The following LRRTM3 variants were observed in gnomAD, a reference collection of about 807,000 sequenced individuals.
LRRTM3 encodes the protein leucine rich repeat transmembrane neuronal 3.
Under a neutral mutation model 44.7 loss-of-function variants are expected in LRRTM3, and 24 were observed. The ratio of observed to expected loss-of-function variants is 0.54; its 90% CI spans 0.39 to 0.76. The LOEUF (loss-of-function observed/expected upper bound fraction) is 0.76. LRRTM3 is among the 30% of genes least tolerant of loss of function. LRRTM3 has a pLI of 0.00. For synonymous variants in LRRTM3, 277 were observed against 278.7 expected, an observed-to-expected ratio of 0.99 and a Z score of 0.06; for missense variants, 587 against 702.2, an observed-to-expected ratio of 0.84 and a Z score of 1.85.
At chr10:67,075,901 C>T in intron 2 of LRRTM3, among the ~76,000 whole-genome samples, 1 of 152,196 alleles carries the variant, frequency 6.6e-6, no homozygotes, top group East Asian at 1.9e-4. Context: ...AGGTGTGGAG[C>T]ATGGAAAGAA....
intron 2 of LRRTM3, among the ~76,000 whole-genome samples, chr10:67,015,967 A>C (rs72804683): frequency 0.05 from 7,480 of 150,328 alleles, 266 homozygotes; most frequent in Middle Eastern, 0.082. Flanking sequence ...CATTTTTTTC[A>C]TTTCCATTTT....
intron 2 of LRRTM3, among the ~76,000 whole-genome samples, chr10:66,964,084 T>A (rs147421953): frequency 0.023 from 3,513 of 152,018 alleles, 129 homozygotes; most frequent in African/African-American, 0.08. Context: ...TCTTCTGACC[T>A]CGTGATCTGC....
At chr10:67,008,165 T>C (rs1852117320) in intron 2 of LRRTM3, among the ~76,000 whole-genome samples, 1 of 152,146 alleles carries the variant, frequency 6.6e-6, no homozygotes, top group Admixed American at 6.6e-5. Flanking sequence ...AAAATATTGA[T>C]GAGTTCAGGA....
chr10:67,022,402 A>G (rs1853079296), intron 2 of LRRTM3, among the ~76,000 whole-genome samples: 1 of 152,136 alleles, frequency 6.6e-6, no homozygotes, highest in African/African-American at 2.4e-5. Context: ...ATAGAGAAGT[A>G]GAAAAGGAAA....
intron 2 of LRRTM3, among the ~76,000 whole-genome samples, chr10:66,995,057 T>A (rs1267749413): frequency 6.6e-6 from 1 of 152,138 alleles, no homozygotes; most frequent in Non-Finnish European, 1.5e-5. Flanking sequence ...TAAATCTAGA[T>A]CTCTAGCCCA....
Position 66,928,416 on chromosome 10 carries a change from C to G in LRRTM3, c.1500C>G (p.Pro500=), listed in dbSNP as rs1847194750. Residue 500 remains proline, a synonymous_variant, in exon 2 of 3, where the codon CCC becomes CCG. Transcript: ENST00000361320. ...TSEMLLNGTG[P]CTYNKSGSRE... ...AGATGCTGCTGAATGGGACGGGACCCTGCACCTATAACAAATCGGGCTCCA... is the reference window on the plus strand; with the variant it reads ...AGATGCTGCTGAATGGGACGGGACCGTGCACCTATAACAAATCGGGCTCCA... 6.2e-7 allele frequency: 1 copy of G among 1,613,046 alleles called. No homozygotes were observed. Among genetic ancestry groups the G allele is most frequent in the East Asian group, 2.2e-5 (1 of 44,878 alleles).
chr10:66,966,721 C>T (rs1393315741), intron 2 of LRRTM3, among the ~76,000 whole-genome samples: 1 of 151,940 alleles, frequency 6.6e-6, no homozygotes, highest in African/African-American at 2.4e-5. Flanking sequence ...TTGGGGTGAT[C>T]ACTGATAGGC....
At chr10:67,008,292 T>C (rs991154976) in intron 2 of LRRTM3, among the ~76,000 whole-genome samples, 14 of 152,170 alleles carry the variant, frequency 9.2e-5, no homozygotes, top group Non-Finnish European at 1.6e-4. Flanking sequence ...CATTGTTCAT[T>C]CATAGTTTCT....
intron 2 of LRRTM3, among the ~76,000 whole-genome samples, chr10:67,036,261 T>A (rs1008756874): frequency 1.3e-5 from 2 of 151,678 alleles, no homozygotes; most frequent in Admixed American, 1.3e-4. Flanking sequence ...CAAGAGATCC[T>A]CCACCACACC....
At chr10:67,004,313 A>G (rs1205599655) in intron 2 of LRRTM3, among the ~76,000 whole-genome samples, 1 of 152,226 alleles carries the variant, frequency 6.6e-6, no homozygotes, top group Admixed American at 6.5e-5. Flanking sequence ...AACATGGACA[A>G]AAGCCACAAG....
At chr10:67,047,646 A>G (rs1402682899) in intron 2 of LRRTM3, among the ~76,000 whole-genome samples, 1 of 152,096 alleles carries the variant, frequency 6.6e-6, no homozygotes, top group East Asian at 1.9e-4. Flanking sequence ...TTGCTACTAT[A>G]TATTTATGAA....
At position 67,080,691 on chromosome 10, in the gene LRRTM3, C is replaced by T. The variant is rs892209821; in HGVS notation, c.1537-16896C>T. On this transcript the variant is annotated intron_variant, in intron 2 of 2. Transcript: ENST00000361320. The stretch of plus-strand genomic sequence containing the variant: ...TTGGGAGGCTGAGGCGGGCGGATCA[C>T]GAGGTCAGGAGATCGAGACCATCCT... Among the ~76,000 whole-genome samples the T allele has an allele frequency of 1.5e-4, 23 of 152,048 alleles. 1 individual carries two copies. In the South Asian group the frequency reaches 4.8e-3, roughly 32 times the overall value.
At chr10:67,078,765 C>G (rs1856874698) in intron 2 of LRRTM3, among the ~76,000 whole-genome samples, 1 of 152,112 alleles carries the variant, frequency 6.6e-6, no homozygotes, top group Non-Finnish European at 1.5e-5. Context: ...ATCTGCCCAC[C>G]TCGGCCCCCC....
intron 2 of LRRTM3, chr10:67,012,278 G>A (rs1852384246): frequency 6.6e-6 from 1 of 152,038 alleles, no homozygotes; most frequent in Non-Finnish European, 1.5e-5. Context: ...TCATTTCATG[G>A]GTAGAGAACT....
At chr10:67,028,793 C>T (rs1853545645) in intron 2 of LRRTM3, among the ~76,000 whole-genome samples, 1 of 151,964 alleles carries the variant, frequency 6.6e-6, no homozygotes, top group Non-Finnish European at 1.5e-5. Flanking sequence ...TTTGAGGTTT[C>T]CTCCCAAGCA....
At chr10:67,036,388 A>G (rs1854056371) in intron 2 of LRRTM3, among the ~76,000 whole-genome samples, 2 of 151,554 alleles carry the variant, frequency 1.3e-5, no homozygotes, top group Admixed American at 6.6e-5. Flanking sequence ...CCTGCCTCAG[A>G]CTCCCAAGTA....
intron 2 of LRRTM3, among the ~76,000 whole-genome samples, chr10:67,074,221 C>G (rs968368649): frequency 1.3e-5 from 2 of 151,092 alleles, no homozygotes; most frequent in Non-Finnish European, 3.0e-5. Flanking sequence ...TTAATAGAAA[C>G]GGGGTTTCAC....
At chr10:66,974,900 A>AT (rs913709569) in intron 2 of LRRTM3, among the ~76,000 whole-genome samples, 19 of 151,464 alleles carry the variant, frequency 1.3e-4, no homozygotes, top group African/African-American at 2.7e-4. Flanking sequence ...TTAATAATAC[A>AT]TTTTTTTTAA....
chr10:67,068,402 C>T lies in LRRTM3; in HGVS notation c.1537-29185C>T, dbSNP rs557909843. On this transcript the variant is annotated intron_variant, in intron 2 of 2. Coordinates refer to ENST00000361320, the MANE Select transcript of LRRTM3 (RefSeq NM_178011.5). ...TGCATGTGTTACGTTGGGGGACATTCGATGGATCTGTCTGTTAAGTAGTTG... is the reference window on the plus strand; with the variant it reads ...TGCATGTGTTACGTTGGGGGACATTTGATGGATCTGTCTGTTAAGTAGTTG... Among the ~76,000 whole-genome samples the T allele has an allele frequency of 2.6e-5, 4 of 152,158 alleles. No homozygotes were observed. The South Asian group carries it at 8.3e-4, about 32-fold the overall frequency.
Sources: gnomAD v4.1 joint callset for allele counts (sites outside exome capture counted in the v4.1 genomes callset) on GRCh38, gnomAD v4.1.1 for gene constraint, MANE v1.5 for transcripts, NCBI Gene and HGNC (gene_info 2026-07-23, HGNC 2026-07-21) for gene names.